TMEM182: variants seen among roughly 807,000 people sequenced by gnomAD.
TMEM182 encodes transmembrane protein 182.
Under a neutral mutation model 26.8 loss-of-function variants are expected in TMEM182, and 20 were observed. The observed-to-expected ratio is 0.75, with a 90% CI of 0.53 to 1.09. The LOEUF is 1.09. TMEM182 is among the 50% of genes least tolerant of loss of function. The probability of loss-of-function intolerance (pLI) is 0.00; values close to 1 mark genes in which losing one functional copy is unlikely to be tolerated. For synonymous variants in TMEM182, 109 were observed against 102.2 expected (o/e 1.07, Z -0.40); for missense variants, 277 against 275.5 (o/e 1.01, Z -0.04).
At chr2:102,793,117 C>G (rs1368341092) in intron 3 of TMEM182, among the ~76,000 whole-genome samples, 1 of 152,186 alleles carries the variant, frequency 6.6e-6, no homozygotes. Flanking sequence ...AGCTTCTGCT[C>G]TGCTGCTCAT....
chr2:102,815,124 G>T lies in TMEM182; in HGVS notation c.*156G>T, dbSNP rs113860378. On this transcript the variant is annotated 3_prime_UTR_variant, in exon 5 of 5. Transcript: ENST00000412401. ...TTACTAAAATTTTCTTCAGTAAGAA[G>T]GTCCTAGAATCTCTCCAGACACCAG... 7.0e-7 allele frequency: 1 copy of T among 1,436,844 alleles called. No individual in the cohort carries two copies. Among genetic ancestry groups the T allele is most frequent in the African/African-American group, 1.4e-5 (1 of 69,590 alleles). 89.0% of individuals were successfully genotyped at this position (1,436,844 alleles called of 1,614,324 possible).
At chr2:102,753,926 T>C (rs1015932925) in intron 1 of TMEM182, among the ~76,000 whole-genome samples, 2 of 152,194 alleles carry the variant, frequency 1.3e-5, no homozygotes, top group Non-Finnish European at 2.9e-5. Context: ...TATGTAAGAC[T>C]AGAAAACCTG....
intron 3 of TMEM182, among the ~76,000 whole-genome samples, chr2:102,775,978 C>A (rs1219119161): frequency 6.6e-6 from 1 of 151,966 alleles, no homozygotes; most frequent in South Asian, 2.1e-4. Context: ...AAATTTCATT[C>A]TCCATGTGTT....
At position 102,800,539 on chromosome 2, in the gene TMEM182, C is replaced by T. The variant is rs564497926; in HGVS notation, c.469+2539C>T. Among the ~76,000 whole-genome samples the T allele has an allele frequency of 1.8e-4, 28 of 152,238 alleles. No homozygotes were observed. In the East Asian group the frequency reaches 3.3e-3, roughly 18 times the overall value. On this transcript the variant is annotated intron_variant, in intron 4 of 4. Transcript: ENST00000412401. ...GCCAAAAAAATTTTTCTCACCCAAA[C>T]GACACTTTACCCTTTCCCTTTTCAA...
rs185189860 is a variant in TMEM182, at chr2:102,744,519, T to G, written c.-83+7506T>G. On this transcript the variant is annotated intron_variant, in intron 1 of 5. Coordinates refer to the TMEM182 transcript ENST00000409173. ...GGAAGAACAATTTTAATTACTTTGCTTAGAATCAGATCTCTGACCTATATC... is the reference window on the plus strand; with the variant it reads ...GGAAGAACAATTTTAATTACTTTGCGTAGAATCAGATCTCTGACCTATATC... Among the ~76,000 whole-genome samples, 826 of 152,258 alleles carry G rather than the reference T, an allele frequency of 5.4e-3. 13 individuals are homozygous for G. The highest frequency in any genetic ancestry group is 0.019 in the African/African-American group (778 of 41,582).
intron 3 of TMEM182, among the ~76,000 whole-genome samples, chr2:102,823,864 A>T (rs960279534): frequency 3.3e-5 from 5 of 152,244 alleles, no homozygotes; most frequent in African/African-American, 1.2e-4. Flanking sequence ...GTTTAATGGG[A>T]ATACTCAGCT....
chr2:102,779,763 A>G (rs2732857), intron 3 of TMEM182, among the ~76,000 whole-genome samples: 117,616 of 151,652 alleles, frequency 0.78, 46,099 homozygotes, highest in African/African-American at 0.86. Flanking sequence ...TTGGGAGGCC[A>G]AGGCGGGTGG....
At chr2:102,768,700 CA>C (rs938344396) in intron 3 of TMEM182, among the ~76,000 whole-genome samples, 52 of 151,836 alleles carry the variant, frequency 3.4e-4, no homozygotes, top group African/African-American at 1.3e-3. Flanking sequence ...GACTCCATCT[CA>C]AAAAAAATTT....
chr2:102,738,299 G>T (rs1679424386), intron 1 of TMEM182, among the ~76,000 whole-genome samples: 1 of 152,098 alleles, frequency 6.6e-6, no homozygotes, highest in South Asian at 2.1e-4. Context: ...CACGCCAAAA[G>T]AATTGGAAGT....
chr2:102,737,971 C>T (rs1679410665), intron 1 of TMEM182, among the ~76,000 whole-genome samples: 1 of 152,136 alleles, frequency 6.6e-6, no homozygotes, highest in South Asian at 2.1e-4. Context: ...GGAGGTGGCA[C>T]TGAATAGGGA....
intron 3 of TMEM182, among the ~76,000 whole-genome samples, chr2:102,838,160 T>C (rs1487038368): frequency 2.6e-5 from 4 of 152,232 alleles, no homozygotes; most frequent in African/African-American, 9.6e-5. Flanking sequence ...GAAGTAGGTT[T>C]TGTAAGTCTT....
chr2:102,736,982 G>GC, exon 1 of TMEM182: 1 of 682,700 alleles, frequency 1.5e-6, no homozygotes, highest in Non-Finnish European at 2.4e-6. Flanking sequence ...CTGGTCTCAG[G>GC]CAAGGTGGGG....
upstream of TMEM182, among the ~76,000 whole-genome samples, chr2:102,759,697 G>A (rs550633636): frequency 5.3e-5 from 8 of 152,314 alleles, no homozygotes; most frequent in Admixed American, 4.6e-4. Flanking sequence ...AGTTCCAGAG[G>A]CCAGAAATTC....
chr2:102,751,169 T>C (rs1417254232), intron 1 of TMEM182, among the ~76,000 whole-genome samples: 2 of 151,886 alleles, frequency 1.3e-5, no homozygotes, highest in Middle Eastern at 3.2e-3. Flanking sequence ...GAAAGGAGAA[T>C]AGCTCTCTCT....
At chr2:102,809,380 C>A (rs1394990309) in intron 4 of TMEM182, among the ~76,000 whole-genome samples, 1 of 152,176 alleles carries the variant, frequency 6.6e-6, no homozygotes, top group East Asian at 1.9e-4. Context: ...TTCTTCTGGA[C>A]ATGTCTGCTC....
intron 3 of TMEM182, among the ~76,000 whole-genome samples, chr2:102,836,168 G>A (rs772868460): frequency 1.9e-4 from 29 of 152,002 alleles, no homozygotes; most frequent in African/African-American, 5.3e-4. Context: ...TCTAAGTTTC[G>A]GCAATTATGA....
At chr2:102,832,439 T>G (rs1338681773) in intron 3 of TMEM182, among the ~76,000 whole-genome samples, 1 of 152,184 alleles carries the variant, frequency 6.6e-6, no homozygotes, top group Non-Finnish European at 1.5e-5. Context: ...CTTTGAAGTG[T>G]TTCCTTCCAG....
intron 3 of TMEM182, among the ~76,000 whole-genome samples, chr2:102,773,553 G>T (rs1680773520): frequency 6.6e-6 from 1 of 151,540 alleles, no homozygotes; most frequent in South Asian, 2.1e-4. Flanking sequence ...TGGACAGCTG[G>T]CAAAGAGCAA....
intron 3 of TMEM182, among the ~76,000 whole-genome samples, chr2:102,836,542 G>A (rs1683250222): frequency 6.6e-6 from 1 of 152,188 alleles, no homozygotes; most frequent in East Asian, 1.9e-4. Context: ...TATGAGGTGA[G>A]TGCTATGCTT....
Sources: allele counts gnomAD v4.1 joint callset (sites outside exome capture counted in the v4.1 genomes callset), GRCh38; gene constraint gnomAD v4.1.1; transcripts MANE v1.5; gene names NCBI Gene and HGNC (gene_info 2026-07-23, HGNC 2026-07-21).